Variants in CTNNA3 observed in about 807,000 individuals in gnomAD.
The protein encoded by CTNNA3 is catenin alpha 3, also known as catenin alpha-3.
In CTNNA3, 76 loss-of-function variants were observed where a neutral mutation model predicts 95.7. That is an observed-to-expected ratio of 0.79 (90% CI 0.66 to 0.96). CTNNA3 has a LOEUF of 0.96. Among genes scored for constraint, CTNNA3 ranks in the 40% least tolerant of loss-of-function variants. The pLI is 0.00. For missense variants in CTNNA3, 1,191 were observed against 1,089.8 expected, an observed-to-expected ratio of 1.09 and a Z score of -1.31; for synonymous variants, 431 against 374.4, an observed-to-expected ratio of 1.15 and a Z score of -1.74.
intron 13 of CTNNA3, among the ~76,000 whole-genome samples, chr10:66,227,887 T>C (rs539916642): frequency 2.7e-4 from 41 of 152,298 alleles, no homozygotes; most frequent in African/African-American, 9.6e-4. Context: ...AAATTCTTCC[T>C]GGTTCAGTCT....
chr10:67,070,403 T>C (rs1214015775), intron 7 of CTNNA3, among the ~76,000 whole-genome samples: 2 of 152,170 alleles, frequency 1.3e-5, no homozygotes, highest in African/African-American at 2.4e-5. Flanking sequence ...TTAGTTTTAA[T>C]ATAAACCAAT....
chr10:67,513,043 T>A (rs147063947), intron 5 of CTNNA3, among the ~76,000 whole-genome samples: 122 of 152,288 alleles, frequency 8.0e-4, no homozygotes, highest in Non-Finnish European at 1.0e-3. Flanking sequence ...ACTGAATTAT[T>A]TTCATTTACT....
intron 17 of CTNNA3, among the ~76,000 whole-genome samples, chr10:65,948,546 G>GTT (rs113271894): frequency 3.1e-4 from 46 of 150,624 alleles, no homozygotes; most frequent in East Asian, 2.0e-3. Context: ...GGTTGTCAGT[G>GTT]TTTTTTTTTG....
chr10:67,695,387 C>A (rs1325806150), intron 1 of CTNNA3, among the ~76,000 whole-genome samples: 1 of 152,138 alleles, frequency 6.6e-6, no homozygotes, highest in Non-Finnish European at 1.5e-5. Context: ...TAGATAGTGA[C>A]CTTTTCTTTA....
intron 7 of CTNNA3, among the ~76,000 whole-genome samples, chr10:66,798,647 T>C (rs1841306746): frequency 6.6e-6 from 1 of 151,652 alleles, no homozygotes; most frequent in Non-Finnish European, 1.5e-5. Context: ...AAATAGTGCA[T>C]TGAATTCTAG....
At chr10:67,397,022 T>A (rs1016284327) in intron 5 of CTNNA3, among the ~76,000 whole-genome samples, 1 of 152,160 alleles carries the variant, frequency 6.6e-6, no homozygotes, top group African/African-American at 2.4e-5. Flanking sequence ...CTTACATATG[T>A]CTTTATTACC....
At chr10:67,433,093 T>C (rs1436644017) in intron 5 of CTNNA3, among the ~76,000 whole-genome samples, 3 of 152,126 alleles carry the variant, frequency 2.0e-5, no homozygotes, top group African/African-American at 7.2e-5. Flanking sequence ...CCTTCCTCAC[T>C]GAACTTAACT....
At chr10:66,600,716 C>T (rs1292097156) in intron 10 of CTNNA3, among the ~76,000 whole-genome samples, 1 of 151,778 alleles carries the variant, frequency 6.6e-6, no homozygotes, top group East Asian at 1.9e-4. Flanking sequence ...TAAAGTGATA[C>T]ATAAATGTCA....
chr10:67,327,559 A>G (rs1193448541), intron 5 of CTNNA3, among the ~76,000 whole-genome samples: 1 of 152,178 alleles, frequency 6.6e-6, no homozygotes. Context: ...TTGAGCCCCA[A>G]CTTTGTTCTC....
At chr10:67,078,555 C>T (rs1302978530) in intron 7 of CTNNA3, among the ~76,000 whole-genome samples, 6 of 151,926 alleles carry the variant, frequency 3.9e-5, no homozygotes, top group Non-Finnish European at 7.4e-5. Flanking sequence ...CTCGCTCTGT[C>T]GCCCAGGCTG....
chr10:66,973,860 G>C (rs941615168), intron 7 of CTNNA3, among the ~76,000 whole-genome samples: 3 of 152,122 alleles, frequency 2.0e-5, no homozygotes, highest in Admixed American at 2.0e-4. Flanking sequence ...CTGACCTCAA[G>C]ATTTATCCCC....
chr10:66,026,084 A>G (rs2079328174), intron 15 of CTNNA3, among the ~76,000 whole-genome samples: 2 of 152,322 alleles, frequency 1.3e-5, no homozygotes, highest in Middle Eastern at 3.4e-3. Context: ...CTAAAGAACC[A>G]GAGGAACAAA....
chr10:66,061,660 AT>A (rs1317393845), intron 15 of CTNNA3, among the ~76,000 whole-genome samples: 2 of 151,562 alleles, frequency 1.3e-5, no homozygotes, highest in African/African-American at 4.8e-5. Flanking sequence ...TCTTTTTCAT[AT>A]TTTTTTTCTT....
intron 10 of CTNNA3, among the ~76,000 whole-genome samples, chr10:66,602,963 T>C (rs1331125796): frequency 2.0e-5 from 3 of 152,014 alleles, no homozygotes; most frequent in Non-Finnish European, 4.4e-5. Flanking sequence ...ATAAAGGCCA[T>C]ATGTGACAAA....
At chr10:67,545,096 G>A (rs1261070036) in intron 3 of CTNNA3, among the ~76,000 whole-genome samples, 1 of 151,982 alleles carries the variant, frequency 6.6e-6, no homozygotes, top group Non-Finnish European at 1.5e-5. Flanking sequence ...TATACTTTAA[G>A]TTCTAGGGTA....
At chr10:67,247,046 A>G (rs998815080) in intron 5 of CTNNA3, among the ~76,000 whole-genome samples, 2 of 152,232 alleles carry the variant, frequency 1.3e-5, no homozygotes, top group South Asian at 4.1e-4. Flanking sequence ...AGCTAAAATC[A>G]TAATTAATAG....
At chr10:66,496,638 A>G (rs1332660909) in intron 11 of CTNNA3, among the ~76,000 whole-genome samples, 2 of 152,210 alleles carry the variant, frequency 1.3e-5, no homozygotes, top group African/African-American at 4.8e-5. Flanking sequence ...GTAAAGGATC[A>G]AAGAAGGAAT....
intron 10 of CTNNA3, among the ~76,000 whole-genome samples, chr10:66,550,579 C>T (rs1842184343): frequency 6.6e-6 from 1 of 152,164 alleles, no homozygotes. Flanking sequence ...AAAATATTTA[C>T]TCTTTGGCCC....
intron 5 of CTNNA3, among the ~76,000 whole-genome samples, chr10:67,496,644 A>T (rs1409808028): frequency 6.6e-6 from 1 of 152,228 alleles, no homozygotes; most frequent in Non-Finnish European, 1.5e-5. Flanking sequence ...GAGCATGGTT[A>T]TCTCATATGA....
Sources: gnomAD v4.1 joint callset for allele counts (sites outside exome capture counted in the v4.1 genomes callset) on GRCh38, gnomAD v4.1.1 for gene constraint, MANE v1.5 for transcripts, NCBI Gene and HGNC (gene_info 2026-07-23, HGNC 2026-07-21) for gene names.